The following DNAJC1 variants were observed in gnomAD, a reference collection of about 807,000 sequenced individuals.
DNAJC1 encodes DnaJ heat shock protein family (Hsp40) member C1, also known as dnaJ homolog subfamily C member 1.
Under a neutral mutation model 76.6 loss-of-function variants are expected in DNAJC1, and 58 were observed. The ratio of observed to expected loss-of-function variants is 0.76; its 90% CI spans 0.61 to 0.94. DNAJC1 has a LOEUF of 0.94. DNAJC1 is among the 40% of genes least tolerant of loss of function. The pLI is 0.00. For synonymous variants in DNAJC1, 258 were observed against 267.9 expected (o/e 0.96, Z 0.36); for missense variants, 689 against 677.3 (o/e 1.02, Z -0.19).
At chr10:21,969,178 T>C (rs1837935921) in intron 1 of DNAJC1, among the ~76,000 whole-genome samples, 1 of 146,446 alleles carries the variant, frequency 6.8e-6, no homozygotes, top group Admixed American at 7.0e-5. Context: ...GAACCAAGAT[T>C]GCACCACTGT....
intron 1 of DNAJC1, among the ~76,000 whole-genome samples, chr10:21,962,284 T>C (rs1837807313): frequency 6.6e-6 from 1 of 152,000 alleles, no homozygotes; most frequent in Non-Finnish European, 1.5e-5. Context: ...CAATAAATAA[T>C]TGTGAATTAA....
Position 21,939,451 on chromosome 10 carries a change from A to G in DNAJC1, c.223-10310T>C, listed in dbSNP as rs375731884. ...GACATTTTGGTCAATGATGGACTGC[A>G]TATATGATAGTGGTTCCCTAAAATT... On this transcript the variant is annotated intron_variant, in intron 1 of 11. Transcript: ENST00000376980. Among the ~76,000 whole-genome samples, 9 of 152,360 alleles carry G rather than the reference A, an allele frequency of 5.9e-5. No homozygotes were observed. The East Asian group carries it at 1.5e-3, about 26-fold the overall frequency.
At chr10:21,972,188 G>T (rs1837990959) in intron 1 of DNAJC1, among the ~76,000 whole-genome samples, 1 of 151,694 alleles carries the variant, frequency 6.6e-6, no homozygotes, top group Non-Finnish European at 1.5e-5. Flanking sequence ...GATTCCATAG[G>T]CATGCAATTA....
At chr10:21,894,638 C>G (rs1836511360) in intron 7 of DNAJC1, among the ~76,000 whole-genome samples, 1 of 152,114 alleles carries the variant, frequency 6.6e-6, no homozygotes, top group South Asian at 2.1e-4. Flanking sequence ...CTGGCATTAC[C>G]AATACCAAGG....
intron 1 of DNAJC1, among the ~76,000 whole-genome samples, chr10:22,002,056 C>T (rs1838526450): frequency 6.6e-6 from 1 of 152,142 alleles, no homozygotes; most frequent in African/African-American, 2.4e-5. Flanking sequence ...CCTGGCAACC[C>T]AGCAATTTTA....
At chr10:21,954,463 A>C (rs1443608255) in intron 1 of DNAJC1, among the ~76,000 whole-genome samples, 1 of 152,226 alleles carries the variant, frequency 6.6e-6, no homozygotes, top group Non-Finnish European at 1.5e-5. Flanking sequence ...CAATGAAATA[A>C]TATCTCAGTC....
Position 21,794,000 on chromosome 10 carries a change from C to A in DNAJC1, c.1098+11980G>T, listed in dbSNP as rs116836104. The stretch of plus-strand genomic sequence containing the variant: ...AATAAATAAAACAATTCTGGCAGGG[C>A]AAGGTGGCTCACGCCTGTAATCCCA... On this transcript the variant is annotated intron_variant, in intron 9 of 11. Transcript: ENST00000376980. 9.7e-3 allele frequency among the ~76,000 whole-genome samples: 1,480 copies of A among 152,118 alleles called. 26 individuals carry two copies. The highest frequency in any genetic ancestry group is 0.034 in the African/African-American group (1,406 of 41,502).
chr10:21,863,066 AGGTTGCAGTG>A (rs1835942425), intron 8 of DNAJC1, among the ~76,000 whole-genome samples: 1 of 152,132 alleles, frequency 6.6e-6, no homozygotes, highest in South Asian at 2.1e-4. Flanking sequence ...CGGGAGGCGG[AGGTTGCAGTG>A]TGCCGAGATC....
intron 8 of DNAJC1, among the ~76,000 whole-genome samples, chr10:21,836,800 C>G (rs1022918570): frequency 6.6e-6 from 1 of 152,132 alleles, no homozygotes; most frequent in African/African-American, 2.4e-5. Context: ...TATATGCACC[C>G]GATACAGGAG....
chr10:21,786,461 TATAGAGAGAGAGAG>T (rs1461310060), intron 9 of DNAJC1, among the ~76,000 whole-genome samples: 5 of 32,096 alleles, frequency 1.6e-4, no homozygotes, highest in Admixed American at 4.7e-4. Context: ...TATATATATA[TATAGAGAGAGAGAG>T]AGAGAGAGAG....
intron 8 of DNAJC1, among the ~76,000 whole-genome samples, chr10:21,816,657 T>C (rs1305774079): frequency 1.3e-5 from 2 of 150,228 alleles, no homozygotes. Context: ...GCCATTCTCC[T>C]GCCTCAGGCT....
intron 1 of DNAJC1, among the ~76,000 whole-genome samples, chr10:21,931,736 C>T (rs1306626773): frequency 1.3e-5 from 2 of 152,116 alleles, no homozygotes; most frequent in African/African-American, 4.8e-5. Context: ...TTGTCTAATA[C>T]ATTTGATATC....
intron 8 of DNAJC1, among the ~76,000 whole-genome samples, chr10:21,824,366 G>C (rs1040514186): frequency 2.0e-5 from 3 of 152,198 alleles, no homozygotes; most frequent in Admixed American, 6.5e-5. Flanking sequence ...AAGTGTGAGA[G>C]TTCTATAAAC....
rs1838562339 is a variant in DNAJC1, at chr10:22,003,508, G to A, written c.-74C>T. The A allele has an allele frequency of 6.2e-6, 8 of 1,295,830 alleles. No homozygotes were observed. In the Admixed American group the frequency reaches 3.4e-4, roughly 55 times the overall value. The allele number at this position is 1,295,830 out of a possible 1,614,324, so 80.3% of individuals were successfully genotyped here. Reference sequence around the variant, plus strand: ...AGCTGGGACGTGGCGGGCGGCGCTGGCTGTGGGGAACAGCGCCTGTCAGTG... The same window carrying A: ...AGCTGGGACGTGGCGGGCGGCGCTGACTGTGGGGAACAGCGCCTGTCAGTG... On this transcript the variant is annotated 5_prime_UTR_variant, in exon 1 of 12. Transcript: ENST00000376980.
intron 9 of DNAJC1, among the ~76,000 whole-genome samples, chr10:21,769,982 G>A (rs757609114): frequency 1.3e-5 from 2 of 152,076 alleles, no homozygotes; most frequent in South Asian, 2.1e-4. Flanking sequence ...CACTGCGCCC[G>A]GCCTAAACTC....
chr10:21,803,346 T>C (rs543811023), intron 9 of DNAJC1, among the ~76,000 whole-genome samples: 3 of 152,250 alleles, frequency 2.0e-5, no homozygotes, highest in East Asian at 3.9e-4. Flanking sequence ...GAGGTTCTGA[T>C]GACACTCAAT....
chr10:21,936,463 C>A (rs937977960), intron 1 of DNAJC1, among the ~76,000 whole-genome samples: 1 of 152,190 alleles, frequency 6.6e-6, no homozygotes, highest in Non-Finnish European at 1.5e-5. Flanking sequence ...AAGACAGTTA[C>A]ATAAGGCAGT....
At chr10:21,986,514 C>T (rs1262852661) in intron 1 of DNAJC1, among the ~76,000 whole-genome samples, 1 of 152,138 alleles carries the variant, frequency 6.6e-6, no homozygotes, top group East Asian at 1.9e-4. Flanking sequence ...AGGAAATTAC[C>T]TTCTATTCCT....
At chr10:21,937,631 T>C (rs1046431084) in intron 1 of DNAJC1, among the ~76,000 whole-genome samples, 1 of 152,108 alleles carries the variant, frequency 6.6e-6, no homozygotes, top group African/African-American at 2.4e-5. Context: ...AACAGACATC[T>C]ATAGAACATT....
Sources: allele counts gnomAD v4.1 joint callset (sites outside exome capture counted in the v4.1 genomes callset), GRCh38; gene constraint gnomAD v4.1.1; transcripts MANE v1.5; gene names NCBI Gene and HGNC (gene_info 2026-07-23, HGNC 2026-07-21).